Variants in KCNJ16 observed in about 807,000 individuals in gnomAD.
KCNJ16 encodes the protein potassium inwardly rectifying channel subfamily J member 16.
Under a neutral mutation model 18.5 loss-of-function variants are expected in KCNJ16, and 15 were observed. The observed-to-expected ratio is 0.81, with a 90% CI of 0.54 to 1.25. The LOEUF is 1.25. Among genes scored for constraint, KCNJ16 ranks in the 50% most tolerant of loss-of-function variants. KCNJ16 has a pLI of 0.00. For missense variants in KCNJ16, 523 were observed against 525.7 expected, an observed-to-expected ratio of 0.99 and a Z score of 0.05; for synonymous variants, 174 against 186.5, an observed-to-expected ratio of 0.93 and a Z score of 0.55.
rs753946182 is a variant in KCNJ16 at position 70,116,732 on chromosome 17, G to T, written c.-190-14147G>T. ...CACTATCACTAAGCATCAGAGAAACGCAAATCTAAACCACAATGAGATACC... is the reference window on the plus strand; with the variant it reads ...CACTATCACTAAGCATCAGAGAAACTCAAATCTAAACCACAATGAGATACC... On this transcript the variant is annotated intron_variant, in intron 2 of 3. Transcript: ENST00000392671. Among the ~76,000 whole-genome samples the T allele has an allele frequency of 3.4e-4, 51 of 151,984 alleles. 1 individual carries two copies. Among genetic ancestry groups the T allele is most frequent in the Non-Finnish European group, 5.6e-4 (38 of 68,002 alleles).
At position 70,103,296 on chromosome 17, in the gene KCNJ16, G is replaced by GTGTGTGTGTGTGTGTGTA. The variant is rs1408960241; in HGVS notation, c.-191+2531_-191+2532insGTGTGTGTGTGTGTGTAT. Reference sequence around the variant, plus strand: ...ATATAATATGCATATATGTGTGTGTGTATATATATATATATATATATATAT... The same window carrying GTGTGTGTGTGTGTGTGTA: ...ATATAATATGCATATATGTGTGTGTGTGTGTGTGTGTGTGTGTATATATATATATATATATATATATAT... On this transcript the variant is annotated intron_variant, in intron 2 of 3. Transcript: ENST00000392671. 8.1e-3 allele frequency among the ~76,000 whole-genome samples: 581 copies of GTGTGTGTGTGTGTGTGTA among 72,028 alleles called. 2 individuals are homozygous for GTGTGTGTGTGTGTGTGTA. Among genetic ancestry groups the GTGTGTGTGTGTGTGTGTA allele is most frequent in the Middle Eastern group, 0.024 (4 of 170 alleles). 47.3% of individuals were successfully genotyped at this position (72,028 alleles called of 152,430 possible).
chr17:70,101,907 A>T (rs550867855), intron 2 of KCNJ16: 3 of 152,232 alleles, frequency 2.0e-5, no homozygotes, highest in Non-Finnish European at 4.4e-5. Context: ...ACGTTTACTG[A>T]AAAGTATTAT....
At chr17:70,110,801 T>A (rs1342935206) in intron 2 of KCNJ16, among the ~76,000 whole-genome samples, 1 of 152,180 alleles carries the variant, frequency 6.6e-6, no homozygotes, top group Non-Finnish European at 1.5e-5. Flanking sequence ...TTCTTCTGCA[T>A]GAAAAGGCAT....
At chr17:70,115,322 A>G (rs1304482331) in intron 2 of KCNJ16, among the ~76,000 whole-genome samples, 2 of 152,078 alleles carry the variant, frequency 1.3e-5, no homozygotes, top group Admixed American at 6.5e-5. Context: ...GAGGTTATGA[A>G]TATGTAGCTT....
intron 1 of KCNJ16, among the ~76,000 whole-genome samples, chr17:70,098,529 CTT>C (rs2072483066): frequency 6.7e-6 from 1 of 149,380 alleles, no homozygotes; most frequent in South Asian, 2.1e-4. Flanking sequence ...TTTCTTTTCC[CTT>C]TGATTAAAAA....
At chr17:70,093,370 T>A (rs2366291) in intron 1 of KCNJ16, among the ~76,000 whole-genome samples, 128,999 of 152,214 alleles carry the variant, frequency 0.85, 54,744 homozygotes, top group East Asian at 0.96. Context: ...AGCCCCGGGC[T>A]TTCCTTCCTT....
At chr17:70,086,897 A>G (rs1386867859) in intron 1 of KCNJ16, among the ~76,000 whole-genome samples, 1 of 151,830 alleles carries the variant, frequency 6.6e-6, no homozygotes, top group Non-Finnish European at 1.5e-5. Flanking sequence ...GTCACATTTT[A>G]TTATTTATTT....
intron 2 of KCNJ16, among the ~76,000 whole-genome samples, chr17:70,110,482 G>GCGCACACACA (rs1555592362): frequency 6.7e-6 from 1 of 149,782 alleles, no homozygotes; most frequent in African/African-American, 2.4e-5. Flanking sequence ...CTTCGTGCGC[G>GCGCACACACA]CACACACACA....
chr17:70,118,250 G>A (rs1405530405), intron 2 of KCNJ16, among the ~76,000 whole-genome samples: 1 of 151,916 alleles, frequency 6.6e-6, no homozygotes, highest in Non-Finnish European at 1.5e-5. Context: ...CACACACTGG[G>A]GCCTGTCGGG....
intron 3 of KCNJ16, chr17:70,131,449 G>A (rs1373861569): frequency 4.3e-5 from 43 of 998,498 alleles, no homozygotes; most frequent in Non-Finnish European, 5.0e-5. Flanking sequence ...AAAAGCCTCC[G>A]TGGAAGAGAG....
chr17:70,119,980 A>C (rs2073566566), intron 2 of KCNJ16, among the ~76,000 whole-genome samples: 2 of 152,184 alleles, frequency 1.3e-5, no homozygotes, highest in Admixed American at 1.3e-4. Context: ...TTTAAATATA[A>C]GTTCCAAATT....
chr17:70,085,918 C>G (rs1386782202), intron 1 of KCNJ16, among the ~76,000 whole-genome samples: 1 of 151,832 alleles, frequency 6.6e-6, no homozygotes, highest in East Asian at 1.9e-4. Context: ...AGGATAATAC[C>G]AAATCTAACG....
In KCNJ16 at chr17:70,133,250, A is replaced by G. The variant is rs745874403; in HGVS notation, c.1163A>G (p.Glu388Gly). Residue 388 changes from glutamate (E) to glycine (G), a missense_variant, in exon 4 of 4, where the codon GAG becomes GGG. By Grantham distance (98) the Glu-to-Gly change is moderately conservative. Transcript: ENST00000392671. ...AIVSSCENPEETTTSATHEYR... is the reference protein window; with the variant it reads ...AIVSSCENPEGTTTSATHEYR... The stretch of plus-strand genomic sequence containing the variant: ...GTCAGCAGCTGTGAAAACCCTGAGG[A>G]GACCACCACTTCCGCCACACATGAA... 1 of 1,614,194 alleles carries G rather than the reference A, an allele frequency of 6.2e-7. No homozygotes were observed. The highest frequency in any genetic ancestry group is 8.5e-7 in the Non-Finnish European group (1 of 1,180,028).
intron 2 of KCNJ16, among the ~76,000 whole-genome samples, chr17:70,112,713 C>T (rs756289943): frequency 2.0e-5 from 3 of 152,122 alleles, no homozygotes; most frequent in Non-Finnish European, 4.4e-5. Flanking sequence ...CTTCTCTAAT[C>T]AACCTCAAAT....
chr17:70,095,145 G>A (rs1201183253), intron 1 of KCNJ16, among the ~76,000 whole-genome samples: 2 of 152,084 alleles, frequency 1.3e-5, no homozygotes, highest in Non-Finnish European at 2.9e-5. Flanking sequence ...TATTGGTGTG[G>A]GCTATAGGCT....
At position 70,130,872 on chromosome 17, in the gene KCNJ16, T is replaced by C; in HGVS notation, c.-190-7T>C. The C allele has an allele frequency of 8.7e-7, 1 of 1,152,338 alleles. No homozygotes were observed. Among genetic ancestry groups the C allele is most frequent in the East Asian group, 2.6e-5 (1 of 39,170 alleles). The allele number at this position is 1,152,338 out of a possible 1,614,324, so 71.4% of individuals were successfully genotyped here. ...ACAATACTTTTATTTTTGTTTGTTT[T>C]GCACAGGAGTAACTCAAGATGATTT... On this transcript the variant is annotated splice_region_variant and splice_polypyrimidine_tract_variant and intron_variant, in intron 2 of 3. Coordinates refer to ENST00000392671, the MANE Select transcript of KCNJ16 (RefSeq NM_170741.4).
At chr17:70,082,885 T>C (rs2071616195) in intron 1 of KCNJ16, among the ~76,000 whole-genome samples, 1 of 152,132 alleles carries the variant, frequency 6.6e-6, no homozygotes, top group African/African-American at 2.4e-5. Context: ...AGCTGCTGTC[T>C]TCCTATTATT....
intron 2 of KCNJ16, among the ~76,000 whole-genome samples, chr17:70,129,239 G>A (rs950836934): frequency 1.3e-5 from 2 of 151,038 alleles, no homozygotes; most frequent in African/African-American, 4.8e-5. Flanking sequence ...ATGGCGACAA[G>A]AAAATTACGA....
At chr17:70,124,344 G>A (rs956675564) in intron 2 of KCNJ16, among the ~76,000 whole-genome samples, 3 of 152,080 alleles carry the variant, frequency 2.0e-5, no homozygotes, top group Non-Finnish European at 2.9e-5. Flanking sequence ...GTTGATACCC[G>A]CCTCTCCAAT....
Sources: allele counts gnomAD v4.1 joint callset (sites outside exome capture counted in the v4.1 genomes callset), GRCh38; gene constraint gnomAD v4.1.1; transcripts MANE v1.5; gene names NCBI Gene and HGNC (gene_info 2026-07-23, HGNC 2026-07-21).